Variants in ARHGEF7 observed in about 807,000 individuals in gnomAD.
ARHGEF7 encodes the protein Rho guanine nucleotide exchange factor 7.
A neutral mutation model predicts 109.8 loss-of-function variants in ARHGEF7; 33 were observed. The ratio of observed to expected loss-of-function variants is 0.30; its 90% confidence interval spans 0.23 to 0.40. ARHGEF7 has a LOEUF of 0.40. Ranked by LOEUF, ARHGEF7 falls within the 10% of genes least tolerant of loss-of-function variation. ARHGEF7 has a pLI of 1.00. For synonymous variants in ARHGEF7, 458 were observed against 424.6 expected (o/e 1.08, Z -0.97); for missense variants, 938 against 1,098.5 (o/e 0.85, Z 2.07).
At chr13:111,300,719 GTTTA>G (rs1567133550) in intron 19 of ARHGEF7, 25 bp from the exon 20 acceptor site, 3 of 1,489,538 alleles carry the variant, frequency 2.0e-6, no homozygotes, top group African/African-American at 1.4e-5. Context: ...TTCGCCTGAG[GTTTA>G]TTTATTATTT....
chr13:111,156,825 T>G (rs1324868600), intron 2 of ARHGEF7, among the ~76,000 whole-genome samples: 1 of 152,276 alleles, frequency 6.6e-6, no homozygotes, highest in Non-Finnish European at 1.5e-5. Context: ...GACACAAAAC[T>G]TAAAACTAAT....
chr13:111,152,783 A>C (rs1247903236), intron 1 of ARHGEF7, among the ~76,000 whole-genome samples: 1 of 152,262 alleles, frequency 6.6e-6, no homozygotes, highest in African/African-American at 2.4e-5. Flanking sequence ...AGTTAAAATA[A>C]TCCTTAGAGC....
chr13:111,123,932 T>C (rs1355532690), intron 1 of ARHGEF7, among the ~76,000 whole-genome samples: 3 of 149,072 alleles, frequency 2.0e-5, no homozygotes, highest in African/African-American at 7.3e-5. Flanking sequence ...TCTCATTTGC[T>C]GACCTTTCCA....
intron 1 of ARHGEF7, among the ~76,000 whole-genome samples, chr13:111,130,936 G>A (rs996906586): frequency 5.3e-5 from 8 of 152,226 alleles, no homozygotes; most frequent in African/African-American, 1.4e-4. Flanking sequence ...TGGGAGTGGC[G>A]AGGAAAGGCC....
intron 2 of ARHGEF7, among the ~76,000 whole-genome samples, chr13:111,179,791 A>C (rs1276234528): frequency 2.0e-5 from 3 of 152,214 alleles, no homozygotes; most frequent in Admixed American, 2.0e-4. Context: ...CATGCCCTAC[A>C]GTCTGGACAT....
chr13:111,300,865 A>T lies in ARHGEF7; in HGVS notation c.2411+18A>T, dbSNP rs578104933. ...GAAGAAAAGTAAGATGTCTTCCGGT[A>T]TTCTAAAGCAGATGTTTGACCTCTG... On this transcript the variant is annotated intron_variant, in intron 20 of 21. Coordinates refer to ENST00000646102, the MANE Select transcript of ARHGEF7 (RefSeq NM_001354046.2). 7.2e-6 allele frequency: 11 copies of T among 1,535,508 alleles called. No homozygotes were observed. Among genetic ancestry groups the T allele is most frequent in the Admixed American group, 1.7e-5 (1 of 57,818 alleles).
In ARHGEF7 at chr13:111,153,403, C is replaced by A. The variant is rs1048548994; in HGVS notation, c.166-502C>A. On this transcript the variant is annotated intron_variant, in intron 1 of 21. Transcript: ENST00000646102. ...AGCAGGGAGGAGGCCGAGCGCGGAG[C>A]CGGGCCTTGTCGGCTGCGTCCGCGG... Among the ~76,000 whole-genome samples, 20 of 152,120 alleles carry A rather than the reference C, an allele frequency of 1.3e-4. No homozygotes were observed. In the East Asian group the frequency reaches 3.9e-3, roughly 30 times the overall value.
Position 111,296,132 on chromosome 13 carries a change from G to A in ARHGEF7, c.2311+3838G>A, listed in dbSNP as rs1415045864. On this transcript the variant is annotated intron_variant, in intron 19 of 21. Coordinates refer to ENST00000646102, the MANE Select transcript of ARHGEF7 (RefSeq NM_001354046.2). ...GCTGGCACTCGGGGCCCCAGGGGTT[G>A]ATCAGCACTGTGTTGCTGCTGTAGC... Among the ~76,000 whole-genome samples, 4 of 152,170 alleles carry A rather than the reference G, an allele frequency of 2.6e-5. No individual in the cohort carries two copies. The East Asian group carries it at 7.7e-4, about 29-fold the overall frequency.
intron 5 of ARHGEF7, among the ~76,000 whole-genome samples, chr13:111,222,501 C>G (rs1192144458): frequency 6.6e-6 from 1 of 152,138 alleles, no homozygotes; most frequent in Admixed American, 6.5e-5. Flanking sequence ...TGCAGTGATG[C>G]TCACTGCAAC....
intron 2 of ARHGEF7, among the ~76,000 whole-genome samples, chr13:111,172,334 C>T (rs1478078095): frequency 6.6e-6 from 1 of 151,940 alleles, no homozygotes; most frequent in African/African-American, 2.4e-5. Context: ...AATGGAAGCA[C>T]TCACTGAATC....
chr13:111,195,729 G>A (rs1170074918), intron 2 of ARHGEF7, among the ~76,000 whole-genome samples: 1 of 152,186 alleles, frequency 6.6e-6, no homozygotes, highest in Non-Finnish European at 1.5e-5. Context: ...ATGGATGAGG[G>A]GGTGGCTTCT....
intron 2 of ARHGEF7, chr13:111,187,006 G>T (rs1363487361): frequency 1.1e-4 from 113 of 985,754 alleles, no homozygotes; most frequent in Non-Finnish European, 1.3e-4. Flanking sequence ...TACTGACGGG[G>T]TTGATTAAGG....
intron 2 of ARHGEF7, among the ~76,000 whole-genome samples, chr13:111,203,535 T>C (rs960520888): frequency 1.3e-5 from 2 of 152,254 alleles, no homozygotes; most frequent in Non-Finnish European, 2.9e-5. Context: ...AGAAATGGCA[T>C]CGGTAAGCAC....
intron 1 of ARHGEF7, among the ~76,000 whole-genome samples, chr13:111,137,829 A>G (rs1329632124): frequency 6.6e-6 from 1 of 152,208 alleles, no homozygotes; most frequent in African/African-American, 2.4e-5. Context: ...GAAATATTCA[A>G]ATTAGGGTTG....
chr13:111,147,843 G>A (rs1374581998), intron 1 of ARHGEF7, among the ~76,000 whole-genome samples: 9 of 150,184 alleles, frequency 6.0e-5, no homozygotes, highest in African/African-American at 9.7e-5. Flanking sequence ...GACTACAGGC[G>A]CCCGCCACTA....
chr13:111,146,525 C>A (rs1434133444), intron 1 of ARHGEF7, among the ~76,000 whole-genome samples: 1 of 152,192 alleles, frequency 6.6e-6, no homozygotes, highest in Non-Finnish European at 1.5e-5. Flanking sequence ...TATGCAGAAT[C>A]AGAATCTCCC....
intron 5 of ARHGEF7, among the ~76,000 whole-genome samples, chr13:111,227,602 A>G (rs186575430): frequency 8.5e-4 from 129 of 152,344 alleles, no homozygotes; most frequent in African/African-American, 3.0e-3. Context: ...TGCAGTAGGA[A>G]ACAAATTTGT....
intron 2 of ARHGEF7, among the ~76,000 whole-genome samples, chr13:111,164,282 G>A (rs1416643709): frequency 1.3e-5 from 2 of 152,180 alleles, no homozygotes; most frequent in East Asian, 1.9e-4. Flanking sequence ...GAAGAGATGC[G>A]GAATTTGAAC....
At chr13:111,141,591 G>T (rs879103058) in intron 1 of ARHGEF7, among the ~76,000 whole-genome samples, 2 of 151,716 alleles carry the variant, frequency 1.3e-5, no homozygotes, top group Non-Finnish European at 2.9e-5. Flanking sequence ...CTTTCTGATC[G>T]GCTTCTTTCA....
Sources: allele counts gnomAD v4.1 joint callset (sites outside exome capture counted in the v4.1 genomes callset), GRCh38; gene constraint gnomAD v4.1.1; transcripts MANE v1.5; gene names NCBI Gene and HGNC (gene_info 2026-07-23, HGNC 2026-07-21).